Variants in HIVEP2 observed in about 807,000 individuals in gnomAD.
HIVEP2 encodes the protein transcription factor HIVEP2.
Under a neutral mutation model 180.7 loss-of-function variants are expected in HIVEP2, and 14 were observed. The observed-to-expected ratio is 0.08, with a 90% CI of 0.05 to 0.12. HIVEP2 has a LOEUF of 0.12. Among genes scored for constraint, HIVEP2 ranks in the 10% least tolerant of loss-of-function variants. The pLI, the probability that HIVEP2 is intolerant of heterozygous loss-of-function variation, is 1.00. For synonymous variants in HIVEP2, 1,184 were observed against 1,136.4 expected (o/e 1.04, Z -0.84); for missense variants, 2,579 against 3,008.5 (o/e 0.86, Z 3.34).
chr6:142,880,679 A>C lies in HIVEP2; in HGVS notation c.-640-43632T>G, dbSNP rs184087049. On this transcript the variant is annotated intron_variant, in intron 1 of 9. Coordinates refer to ENST00000367603, the MANE Select transcript of HIVEP2 (RefSeq NM_006734.4). The stretch of plus-strand genomic sequence containing the variant: ...CCTACACCTCTGAGATCCTAGTCCA[A>C]ACCTGTCCATTTGGCCTGCGTGGCT... 1.7e-3 allele frequency among the ~76,000 whole-genome samples: 253 copies of C among 152,234 alleles called. 5 individuals carry two copies. The highest frequency in any genetic ancestry group is 1.3e-3 in the Non-Finnish European group (91 of 68,002).
intron 1 of HIVEP2, among the ~76,000 whole-genome samples, chr6:142,838,937 A>C (rs1014575787): frequency 6.6e-6 from 1 of 152,092 alleles, no homozygotes; most frequent in Non-Finnish European, 1.5e-5. Flanking sequence ...CTATGCTCTC[A>C]TTTCTAACTG....
At chr6:142,857,871 C>A (rs541875655) in intron 1 of HIVEP2, among the ~76,000 whole-genome samples, 318 of 152,276 alleles carry the variant, frequency 2.1e-3, no homozygotes, top group Non-Finnish European at 3.7e-3. Context: ...CACGGGGCTG[C>A]GGGCTGCTGT....
Position 142,753,293 on chromosome 6 carries a change from G to A in HIVEP2, c.7155C>T (p.Thr2385=). ...TTTCACCATCATGCAAGTCAGGGTG[G>A]GTGGCTGAGGTACAGGGCTGACCTG... ...PEPGQPCTSA[T]HPDLHDGEKD... The change falls in exon 10 of 10, where the codon ACC becomes ACT. Residue 2385 remains threonine, a synonymous_variant. Transcript: ENST00000367603. The A allele has an allele frequency of 6.2e-7, 1 of 1,614,160 alleles. No individual in the cohort carries two copies. Among genetic ancestry groups the A allele is most frequent in the Non-Finnish European group, 8.5e-7 (1 of 1,180,026 alleles).
intron 1 of HIVEP2, among the ~76,000 whole-genome samples, chr6:142,899,005 G>A (rs1380770869): frequency 6.6e-6 from 1 of 152,180 alleles, no homozygotes; most frequent in Non-Finnish European, 1.5e-5. Context: ...GAGGCTGCCT[G>A]AGAGATATTT....
Position 142,772,720 on chromosome 6 carries a change from A to C in HIVEP2, c.2019T>G (p.Tyr673Ter). 6.2e-7 allele frequency: 1 copy of C among 1,614,208 alleles called. No homozygotes were observed. Among genetic ancestry groups the C allele is most frequent in the Non-Finnish European group, 8.5e-7 (1 of 1,180,044 alleles). The change falls in exon 5 of 10, where the codon TAT becomes TAG. Residue 673 changes from tyrosine to a stop codon, truncating the protein, a stop_gained. Coordinates refer to ENST00000367603, the MANE Select transcript of HIVEP2 (RefSeq NM_006734.4). LOFTEE classifies it high-confidence loss of function. This position sits in a 1 kb window ranked among gnomAD's most constrained non-coding sequence, Gnocchi z 4.9. ...GCAATGGCACCACGGGATCCATGAA[A>C]TATTCTCCACCATGCTTTAAAGAAC... is the stretch of plus-strand genomic sequence containing the variant. ...CLSSLKHGGE[Y>*]FMDPVVPLQG...
chr6:142,877,286 C>T (rs1776467316), intron 1 of HIVEP2, among the ~76,000 whole-genome samples: 1 of 152,152 alleles, frequency 6.6e-6, no homozygotes, highest in South Asian at 2.1e-4. Flanking sequence ...ATCAAGAATG[C>T]CCTCTTTAAT....
chr6:142,940,649 T>C (rs1778153468), intron 1 of HIVEP2, among the ~76,000 whole-genome samples: 2 of 152,186 alleles, frequency 1.3e-5, no homozygotes, highest in Non-Finnish European at 2.9e-5. Context: ...AAGGAGCTCC[T>C]TTAGTGGTTC....
chr6:142,779,533 T>A (rs1775789333), intron 3 of HIVEP2: 1 of 152,178 alleles, frequency 6.6e-6, no homozygotes, highest in Non-Finnish European at 1.5e-5. Context: ...GGTGGGAGAA[T>A]CACCTGAGCC....
At chr6:142,852,298 G>T (rs140095788) in intron 1 of HIVEP2, among the ~76,000 whole-genome samples, 7 of 151,742 alleles carry the variant, frequency 4.6e-5, no homozygotes. Context: ...GTAGCATTTC[G>T]CTTTTTTTAA....
At chr6:142,848,180 C>T (rs1245902121) in intron 1 of HIVEP2, among the ~76,000 whole-genome samples, 1 of 152,156 alleles carries the variant, frequency 6.6e-6, no homozygotes, top group East Asian at 1.9e-4. Context: ...GAAGCTACTG[C>T]ACCAAGAATG....
intron 2 of HIVEP2, among the ~76,000 whole-genome samples, chr6:142,789,527 A>G (rs174741): frequency 0.53 from 80,218 of 152,076 alleles, 22,000 homozygotes; most frequent in Non-Finnish European, 0.6. Flanking sequence ...GTTTAGGGCT[A>G]TGGAATAATT....
rs376418397 is a variant in HIVEP2 at position 142,899,987 on chromosome 6, T to C, written c.-641+45112A>G. Among the ~76,000 whole-genome samples, 11 of 152,164 alleles carry C rather than the reference T, an allele frequency of 7.2e-5. No individual in the cohort carries two copies. The East Asian group carries it at 7.7e-4, about 11-fold the overall frequency. ...AGAGATGATTCTTAGTGGAGAGAAA[T>C]CTATTAAGGTCTAAACCTTAATAAA... is the stretch of plus-strand genomic sequence containing the variant. On this transcript the variant is annotated intron_variant, in intron 1 of 9. Transcript: ENST00000367603.
chr6:142,760,242 A>G lies in HIVEP2; in HGVS notation c.6046T>C (p.Leu2016=), dbSNP rs774240882. 3 of 1,614,154 alleles carry G rather than the reference A, an allele frequency of 1.9e-6. No homozygotes were observed. Among genetic ancestry groups the G allele is most frequent in the South Asian group, 1.1e-5 (1 of 91,086 alleles). The change falls in exon 9 of 10, where the codon TTG becomes CTG. Residue 2016 remains leucine, a synonymous_variant. Coordinates refer to ENST00000367603, the MANE Select transcript of HIVEP2 (RefSeq NM_006734.4). ...TCATCCATACAACTAGGTATGTCCA[A>G]TCTGTCTTTGTCTGGTTCTGAGTCC... ...STDSEPDKDR[L]DIPSCMDEEC...
intron 1 of HIVEP2, among the ~76,000 whole-genome samples, chr6:142,863,200 C>T (rs544556785): frequency 1.3e-5 from 2 of 149,834 alleles, no homozygotes; most frequent in Admixed American, 6.7e-5. Flanking sequence ...AATAAATTCC[C>T]TGTTCACAGC....
At chr6:142,835,525 T>C (rs1478665160) in intron 2 of HIVEP2, among the ~76,000 whole-genome samples, 1 of 152,208 alleles carries the variant, frequency 6.6e-6, no homozygotes, top group Non-Finnish European at 1.5e-5. Context: ...CTTCTAACAT[T>C]TATTATAGCT....
intron 1 of HIVEP2, among the ~76,000 whole-genome samples, chr6:142,900,586 A>C (rs1777112328): frequency 6.6e-6 from 1 of 152,204 alleles, no homozygotes; most frequent in South Asian, 2.1e-4. Flanking sequence ...CCCCCCTGAG[A>C]CACACAGAAA....
intron 1 of HIVEP2, among the ~76,000 whole-genome samples, chr6:142,922,551 T>C (rs1777708089): frequency 6.6e-6 from 1 of 152,204 alleles, no homozygotes; most frequent in African/African-American, 2.4e-5. Flanking sequence ...TTAGTACACT[T>C]AAGCCTCATA....
chr6:142,770,461 A>G lies in HIVEP2; in HGVS notation c.4278T>C (p.Pro1426=). The G allele has an allele frequency of 6.2e-7, 1 of 1,614,196 alleles. No homozygotes were observed. The highest frequency in any genetic ancestry group is 8.5e-7 in the Non-Finnish European group (1 of 1,180,040). Residue 1426 remains proline (P), a synonymous_variant, in exon 5 of 10, where the codon CCT becomes CCC. Transcript: ENST00000367603. The surrounding 1 kb of genome is among the most constrained non-coding windows in gnomAD (Gnocchi z 4.7). The part of the protein sequence containing the change: ...GLESSIPLCL[P]STSDSVATLG... ...GGGTGGCCACGCTGTCAGAGGTGGA[A>G]GGTAAACACAAGGGGATGGAGGATT... is the stretch of plus-strand genomic sequence containing the variant.
chr6:142,859,429 C>T (rs1775911088), intron 1 of HIVEP2, among the ~76,000 whole-genome samples: 1 of 150,772 alleles, frequency 6.6e-6, no homozygotes, highest in African/African-American at 2.4e-5. Context: ...CCATTGCACT[C>T]CAGCCTGGGC....
Sources: allele counts gnomAD v4.1 joint callset (sites outside exome capture counted in the v4.1 genomes callset), GRCh38; gene constraint gnomAD v4.1.1; non-coding constraint Gnocchi (gnomAD v3.1); transcripts MANE v1.5; gene names NCBI Gene and HGNC (gene_info 2026-07-23, HGNC 2026-07-21).